IL17RE: variants seen among roughly 807,000 people sequenced by gnomAD.
IL17RE encodes interleukin 17 receptor E, also known as interleukin-17 receptor E.
In IL17RE, 47 loss-of-function variants were observed where a neutral mutation model predicts 70.7. The ratio of observed to expected loss-of-function variants is 0.67; its 90% CI spans 0.53 to 0.85. The LOEUF (loss-of-function observed/expected upper bound fraction) is 0.85, where lower values mean the gene tolerates loss of function less well. IL17RE is among the 40% of genes least tolerant of loss of function. IL17RE has a pLI of 0.00. For synonymous variants in IL17RE, 372 were observed against 381.2 expected (o/e 0.98, Z 0.28); for missense variants, 850 against 893.9 (o/e 0.95, Z 0.63).
In IL17RE at chr3:9,910,916, C is replaced by A; in HGVS notation, c.854C>A (p.Thr285Asn). The stretch of plus-strand genomic sequence containing the variant: ...CACTTCACTGACTACAGCCAGCACA[C>A]TCAGATGGTCATGGCCCTGACACTC... Reference protein sequence around the residue: ...SVHFTDYSQHTQMVMALTLRC... With the variant: ...SVHFTDYSQHNQMVMALTLRC... The change falls in exon 9 of 16, where the codon ACT (threonine) becomes AAT (asparagine). Residue 285 changes from threonine (T) to asparagine (N), a missense_variant. Transcript: ENST00000383814. 4 of 1,614,178 alleles carry A rather than the reference C, an allele frequency of 2.5e-6. No individual in the cohort carries two copies. Among genetic ancestry groups the A allele is most frequent in the Non-Finnish European group, 3.4e-6 (4 of 1,180,034 alleles).
chr3:9,902,857 G>A lies in IL17RE; in HGVS notation c.-76G>A, dbSNP rs1232567155. 6.2e-7 allele frequency: 1 copy of A among 1,611,766 alleles called. No homozygotes were observed. Among genetic ancestry groups the A allele is most frequent in the African/African-American group, 1.3e-5 (1 of 75,020 alleles). On this transcript the variant is annotated 5_prime_UTR_variant, in exon 1 of 16. Coordinates refer to ENST00000383814, the MANE Select transcript of IL17RE (RefSeq NM_153480.2). The stretch of plus-strand genomic sequence containing the variant: ...GGCTCCTGCTGGTACTGTGTTCGCT[G>A]CTGCACAGCAAGGCCCTGCCACCCA...
In IL17RE at chr3:9,914,005, G is replaced by T; in HGVS notation, c.1277G>T (p.Arg426Met). ...VSLDLIIPFL[R>M]PGCCVLVWRS... The stretch of plus-strand genomic sequence containing the variant: ...CTAGACCTCATCATTCCCTTCCTGA[G>T]GCCAGGGTGCTGTGTCCTGGTAAGG... The change falls in exon 13 of 16, where the codon AGG becomes ATG. Residue 426 changes from arginine to methionine, a missense_variant. Coordinates refer to ENST00000383814, the MANE Select transcript of IL17RE (RefSeq NM_153480.2). 6.2e-7 allele frequency: 1 copy of T among 1,613,992 alleles called. No individual in the cohort carries two copies. The highest frequency in any genetic ancestry group is 8.5e-7 in the Non-Finnish European group (1 of 1,179,862).
At chr3:9,909,187 G>A in intron 7 of IL17RE, 30 bp from the exon 8 acceptor site, 1 of 1,592,944 alleles carries the variant, frequency 6.3e-7, no homozygotes. Flanking sequence ...CCATTCCTCT[G>A]ACCCTCCCCA....
In IL17RE at chr3:9,904,151, GGT is replaced by G; in HGVS notation, c.268+1_268+2del. 1.2e-6 allele frequency: 2 copies of G among 1,614,082 alleles called. No homozygotes were observed. Among genetic ancestry groups the G allele is most frequent in the Non-Finnish European group, 1.7e-6 (2 of 1,179,958 alleles). On this transcript the variant is annotated splice_donor_variant, in intron 3 of 15. Coordinates refer to ENST00000383814, the MANE Select transcript of IL17RE (RefSeq NM_153480.2). LOFTEE classifies it high-confidence loss of function. ...CCAGCATCTGCTGTCAGGTGGCTCA[GGT>G]ATGAGAAACAGCCCCTTGGGCCATT... is the stretch of plus-strand genomic sequence containing the variant.
At chr3:9,906,535 C>G (rs376210007) in intron 4 of IL17RE, 74 bp downstream of exon 4, 43 of 1,393,408 alleles carry the variant, frequency 3.1e-5, no homozygotes, top group Non-Finnish European at 3.7e-5. Flanking sequence ...ATTTGGTTCT[C>G]CAGCCATGTG....
chr3:9,908,420 C>A, intron 7 of IL17RE, 113 bp downstream of exon 7: 1 of 881,908 alleles, frequency 1.1e-6, no homozygotes, highest in Non-Finnish European at 1.8e-6. Flanking sequence ...CTGAGTGTTA[C>A]TGGCATGCTT....
upstream of IL17RE, chr3:9,902,557 A>G: frequency 7.1e-7 from 1 of 1,405,610 alleles, no homozygotes; most frequent in Non-Finnish European, 9.7e-7. Flanking sequence ...CAAGTTCCAG[A>G]GTGTGCTGAT....
intron 12 of IL17RE, among the ~76,000 whole-genome samples, chr3:9,913,622 C>A (rs1276657438): frequency 2.6e-5 from 4 of 152,136 alleles, no homozygotes; most frequent in African/African-American, 9.7e-5. Flanking sequence ...TTCAGCTGTG[C>A]AGGAGAGTAA....
At chr3:9,907,363 C>T (rs929884476) in intron 6 of IL17RE, among the ~76,000 whole-genome samples, 2 of 151,818 alleles carry the variant, frequency 1.3e-5, no homozygotes, top group African/African-American at 4.8e-5. Flanking sequence ...CATAGTGAAA[C>T]CCTGCTGCTA....
At chr3:9,905,480 C>CGAAG (rs2082731577) in intron 3 of IL17RE, among the ~76,000 whole-genome samples, 3 of 147,628 alleles carry the variant, frequency 2.0e-5, no homozygotes, top group African/African-American at 7.5e-5. Flanking sequence ...AAGGAAGGAA[C>CGAAG]GAAGGAAGGA....
At position 9,906,359 on chromosome 3, in the gene IL17RE, C is replaced by CGG. The variant is rs1201919017; in HGVS notation, c.269-5_269-4insGG. On this transcript the variant is annotated splice_region_variant and splice_polypyrimidine_tract_variant and intron_variant, in intron 3 of 15. Coordinates refer to ENST00000383814, the MANE Select transcript of IL17RE (RefSeq NM_153480.2). ...CTAGATAGTAAGTACGTCTCCCCTG[C>CGG]ACAGGTCTTCAACGGGGCCTCTTCC... 1 of 1,606,600 alleles carries CGG rather than the reference C, an allele frequency of 6.2e-7. No homozygotes were observed. The highest frequency in any genetic ancestry group is 2.2e-5 in the East Asian group (1 of 44,846).
rs759506902 is a variant in IL17RE, at chr3:9,911,577, C to G, written c.1207C>G (p.Pro403Ala). ...CTTGGGGCAGGACACTTTGGTGCCC[C>G]CCGTGTACACTGTCAGCCAGGTATG... ...PGLGQDTLVP[P>A]VYTVSQARGS... The change falls in exon 12 of 16, where the codon CCC (proline) becomes GCC (alanine). Residue 403 changes from proline to alanine, a missense_variant. Coordinates refer to ENST00000383814, the MANE Select transcript of IL17RE (RefSeq NM_153480.2). 2 of 1,613,386 alleles carry G rather than the reference C, an allele frequency of 1.2e-6. No individual in the cohort carries two copies. The highest frequency in any genetic ancestry group is 1.7e-6 in the Non-Finnish European group (2 of 1,179,370).
intron 12 of IL17RE, 109 bp from the exon 13 acceptor site, chr3:9,913,847 C>T (rs1366947839): frequency 9.3e-6 from 8 of 863,172 alleles, no homozygotes; most frequent in African/African-American, 3.3e-5. Context: ...GCCTAAGCCT[C>T]GTAGGATTGG....
Position 9,902,978 on chromosome 3 carries a change from A to G in IL17RE, c.46A>G (p.Ile16Val), listed in dbSNP as rs2082671123. ...LAALLLPLLL[I>V]VIDLSDSAGI... ...AGCCCTGCTCCTGCCTCTCCTCCTCATAGTCATCGACCTCTCTGACTCTGC... is the reference window on the plus strand; with the variant it reads ...AGCCCTGCTCCTGCCTCTCCTCCTCGTAGTCATCGACCTCTCTGACTCTGC... Residue 16 changes from isoleucine (I) to valine (V), a missense_variant, in exon 1 of 16, where the codon ATA (isoleucine) becomes GTA (valine). Ile to Val is a conservative substitution (Grantham distance 29, BLOSUM62 3). Transcript: ENST00000383814. 1.2e-6 allele frequency: 2 copies of G among 1,614,164 alleles called. No homozygotes were observed. Among genetic ancestry groups the G allele is most frequent in the Non-Finnish European group, 8.5e-7 (1 of 1,179,982 alleles).
rs1325430114 is a variant in IL17RE at position 9,910,989 on chromosome 3, G to T, written c.927G>T (p.Trp309Cys). The T allele has an allele frequency of 6.2e-7, 1 of 1,614,180 alleles. No homozygotes were observed. The highest frequency in any genetic ancestry group is 8.5e-7 in the Non-Finnish European group (1 of 1,180,020). ...CTGCCCTCTGCCAGAGGCACGACTGGCATACCCTTTGCAAAGACCTCCCGA... is the reference window on the plus strand; with the variant it reads ...CTGCCCTCTGCCAGAGGCACGACTGTCATACCCTTTGCAAAGACCTCCCGA... The part of the protein sequence containing the change: ...LEAALCQRHD[W>C]HTLCKDLPNA... The change falls in exon 9 of 16, where the codon TGG becomes TGT. Residue 309 changes from tryptophan (W) to cysteine (C), a missense_variant. Transcript: ENST00000383814.
intron 12 of IL17RE, among the ~76,000 whole-genome samples, chr3:9,912,383 C>T (rs1176003345): frequency 1.3e-5 from 2 of 152,188 alleles, no homozygotes; most frequent in Admixed American, 6.5e-5. Context: ...CTGTCCGCTA[C>T]CACTACTCTC....
chr3:9,914,452 G>A (rs754754374), intron 13 of IL17RE, 96 bp from the exon 14 acceptor site: 1 of 1,565,872 alleles, frequency 6.4e-7, no homozygotes, highest in East Asian at 2.2e-5. Flanking sequence ...TCCCTAGCCA[G>A]TGGGGACTCC....
intron 2 of IL17RE, 87 bp from the exon 3 acceptor site, chr3:9,903,945 A>T (rs2082692959): frequency 1.3e-6 from 2 of 1,521,618 alleles, no homozygotes; most frequent in Non-Finnish European, 1.8e-6. Flanking sequence ...CCAGGATGTG[A>T]CAGAGCTTGG....
In IL17RE at chr3:9,915,680, T is replaced by A; in HGVS notation, c.1877T>A (p.Leu626Gln). Residue 626 changes from leucine (L) to glutamine (Q), a missense_variant, in exon 16 of 16, where the codon CTG (leucine) becomes CAG (glutamine). Physicochemically the swap from Leu to Gln is moderately radical, Grantham distance 113. Transcript: ENST00000383814. This position sits in a 1 kb window ranked among gnomAD's most constrained non-coding sequence, Gnocchi z 4.9. ...LRDLPRLLRA[L>Q]DARPFAEATS... ...GACCTGCCGCGTCTGCTGCGGGCGCTGGACGCGCGGCCTTTCGCAGAGGCC... is the reference window on the plus strand; with the variant it reads ...GACCTGCCGCGTCTGCTGCGGGCGCAGGACGCGCGGCCTTTCGCAGAGGCC... 7.2e-7 allele frequency: 1 copy of A among 1,389,346 alleles called. No individual in the cohort carries two copies. The highest frequency in any genetic ancestry group is 9.2e-7 in the Non-Finnish European group (1 of 1,081,836). 86.1% of individuals were successfully genotyped at this position (1,389,346 alleles called of 1,614,324 possible).
Sources: allele counts gnomAD v4.1 joint callset (sites outside exome capture counted in the v4.1 genomes callset), GRCh38; gene constraint gnomAD v4.1.1; non-coding constraint Gnocchi (gnomAD v3.1); transcripts MANE v1.5; gene names NCBI Gene and HGNC (gene_info 2026-07-23, HGNC 2026-07-21).